SCHIP1: variants seen among roughly 807,000 people sequenced by gnomAD.
SCHIP1 encodes schwannomin interacting protein 1, also known as schwannomin-interacting protein 1.
A neutral mutation model predicts 29.7 loss-of-function variants in SCHIP1; 8 were observed. The ratio of observed to expected loss-of-function variants is 0.27; its 90% CI spans 0.16 to 0.49. The LOEUF (loss-of-function observed/expected upper bound fraction) is 0.49. Ranked by LOEUF, SCHIP1 falls within the 20% of genes least tolerant of loss-of-function variation. The pLI, the probability that SCHIP1 is intolerant of heterozygous loss-of-function variation, is 0.99. For missense variants in SCHIP1, 193 were observed against 294.6 expected, an observed-to-expected ratio of 0.66 and a Z score of 2.52; for synonymous variants, 76 against 94.9, an observed-to-expected ratio of 0.80 and a Z score of 1.16.
chr3:159,367,547 C>T, the SCHIP1 span, among the ~76,000 whole-genome samples: 1 of 152,290 alleles, frequency 6.6e-6, no homozygotes, highest in East Asian at 1.9e-4. Flanking sequence ...TTTTAATTAA[C>T]TTTAGTATAT....
the SCHIP1 span, among the ~76,000 whole-genome samples, chr3:159,407,242 TATATC>T: frequency 2.0e-5 from 3 of 152,274 alleles, 1 homozygote; most frequent in South Asian, 2.1e-4. Context: ...TAGCTATACT[TATATC>T]AGACAAAATG....
At chr3:159,764,673 G>A in the SCHIP1 span, 434 of 1,589,146 alleles carry the variant, frequency 2.7e-4, 2 homozygotes, top group East Asian at 9.8e-4. The surrounding 1 kb of genome is among the most constrained non-coding windows in gnomAD (Gnocchi z 6.1). Context: ...AGGAGGACGG[G>A]GAGGAGGAGG....
At chr3:159,312,638 G>A in the SCHIP1 span, among the ~76,000 whole-genome samples, 1 of 152,034 alleles carries the variant, frequency 6.6e-6, no homozygotes. Flanking sequence ...CCCCATTTTG[G>A]TCACCAAGCA....
chr3:159,668,248 G>A, the SCHIP1 span, among the ~76,000 whole-genome samples: 4 of 151,912 alleles, frequency 2.6e-5, no homozygotes, highest in African/African-American at 7.3e-5. Context: ...GTGGTGGCAG[G>A]CGCCTGTAGT....
the SCHIP1 span, among the ~76,000 whole-genome samples, chr3:159,376,056 A>G: frequency 6.6e-6 from 1 of 152,168 alleles, no homozygotes; most frequent in East Asian, 1.9e-4. Flanking sequence ...CAAACAGAGG[A>G]GGAGTGCCCA....
chr3:159,335,367 G>A, the SCHIP1 span, among the ~76,000 whole-genome samples: 2 of 152,012 alleles, frequency 1.3e-5, no homozygotes, highest in East Asian at 1.9e-4. Context: ...TATACTTTAA[G>A]TTTTAGGGTA....
chr3:159,632,013 A>C, the SCHIP1 span, among the ~76,000 whole-genome samples: 1 of 152,118 alleles, frequency 6.6e-6, no homozygotes, highest in African/African-American at 2.4e-5. Flanking sequence ...TTACTTTTCA[A>C]AAAGAAAGAA....
the SCHIP1 span, among the ~76,000 whole-genome samples, chr3:159,694,896 T>C: frequency 6.6e-6 from 1 of 152,224 alleles, no homozygotes; most frequent in African/African-American, 2.4e-5. Flanking sequence ...GCTCAACGTA[T>C]CTATCATACC....
chr3:159,803,943 T>A, the SCHIP1 span, among the ~76,000 whole-genome samples: 1 of 152,172 alleles, frequency 6.6e-6, no homozygotes, highest in Non-Finnish European at 1.5e-5. Flanking sequence ...GTCACACAAC[T>A]AGTAAGGAGA....
the SCHIP1 span, chr3:159,765,322 C>T: frequency 2.9e-6 from 2 of 685,912 alleles, no homozygotes; most frequent in African/African-American, 3.8e-5. Context: ...GGTCTGTGAG[C>T]TGTCTGGGTT....
the SCHIP1 span, among the ~76,000 whole-genome samples, chr3:159,772,764 G>C: frequency 6.6e-5 from 10 of 151,850 alleles, no homozygotes; most frequent in Non-Finnish European, 1.5e-4. Context: ...TTTTTGAGAC[G>C]GAATCTTGCT....
chr3:159,576,954 A>C, the SCHIP1 span, among the ~76,000 whole-genome samples: 2 of 152,176 alleles, frequency 1.3e-5, no homozygotes, highest in Non-Finnish European at 2.9e-5. Flanking sequence ...GCATTTTATC[A>C]ACTTATCTAA....
the SCHIP1 span, chr3:159,764,625 G>C: frequency 1.9e-6 from 3 of 1,607,980 alleles, no homozygotes; most frequent in South Asian, 2.2e-5. The surrounding 1 kb of genome is among the most constrained non-coding windows in gnomAD (Gnocchi z 6.1). Context: ...AGCCCTTCCC[G>C]GTCTACCAGA....
chr3:159,808,910 T>G, the SCHIP1 span, among the ~76,000 whole-genome samples: 1 of 151,650 alleles, frequency 6.6e-6, no homozygotes, highest in African/African-American at 2.4e-5. Context: ...TGAGCTGAGA[T>G]GGCGCCATTG....
the SCHIP1 span, among the ~76,000 whole-genome samples, chr3:159,662,437 A>G: frequency 6.6e-6 from 1 of 152,176 alleles, no homozygotes; most frequent in Admixed American, 6.5e-5. Context: ...AGACAATTTA[A>G]TTCCTATGAA....
At chr3:159,761,349 C>T in the SCHIP1 span, among the ~76,000 whole-genome samples, 238 of 152,300 alleles carry the variant, frequency 1.6e-3, no homozygotes, top group African/African-American at 5.5e-3. Context: ...GGGAAAGGTG[C>T]TGGAGCCAGA....
the SCHIP1 span, among the ~76,000 whole-genome samples, chr3:159,325,402 G>A: frequency 5.3e-5 from 8 of 152,076 alleles, no homozygotes; most frequent in Non-Finnish European, 1.0e-4. Flanking sequence ...GATATTTGAA[G>A]AGAGGTTATA....
At chr3:159,338,857 A>G in the SCHIP1 span, among the ~76,000 whole-genome samples, 1 of 152,178 alleles carries the variant, frequency 6.6e-6, no homozygotes, top group Non-Finnish European at 1.5e-5. Flanking sequence ...TGCTTGAGGA[A>G]TCTGTATCAT....
the SCHIP1 span, among the ~76,000 whole-genome samples, chr3:159,573,300 C>T: frequency 6.6e-6 from 1 of 152,168 alleles, no homozygotes; most frequent in South Asian, 2.1e-4. Context: ...TCTTGTAAGG[C>T]AGGCCTGGTG....
Sources: allele counts gnomAD v4.1 joint callset (sites outside exome capture counted in the v4.1 genomes callset), GRCh38; gene constraint gnomAD v4.1.1; non-coding constraint Gnocchi (gnomAD v3.1); transcripts MANE v1.5; gene names NCBI Gene and HGNC (gene_info 2026-07-23, HGNC 2026-07-21).